Variants in SGMS1 observed in about 807,000 individuals in gnomAD.
SGMS1 encodes sphingomyelin synthase 1, also known as phosphatidylcholine:ceramide cholinephosphotransferase 1.
SGMS1 carries 13 observed loss-of-function variants against 46.2 expected under a neutral mutation model. The ratio of observed to expected loss-of-function variants is 0.28; its 90% CI spans 0.18 to 0.45. The LOEUF (loss-of-function observed/expected upper bound fraction) is 0.45, where lower values mean the gene tolerates loss of function less well. Ranked by LOEUF, SGMS1 falls within the 20% of genes least tolerant of loss-of-function variation. SGMS1 has a pLI of 1.00. For missense variants in SGMS1, 324 were observed against 519.9 expected (o/e 0.62, Z 3.66); for synonymous variants, 203 against 187.8 (o/e 1.08, Z -0.66).
rs990675826 is a variant in SGMS1 at position 50,530,914 on chromosome 10, T to C, written c.-588-10993A>G. Among the ~76,000 whole-genome samples, 10 of 152,196 alleles carry C rather than the reference T, an allele frequency of 6.6e-5. No homozygotes were observed. The South Asian group carries it at 8.3e-4, about 13-fold the overall frequency. On this transcript the variant is annotated intron_variant, in intron 2 of 10. Coordinates refer to ENST00000361781, the MANE Select transcript of SGMS1 (RefSeq NM_147156.4). The stretch of plus-strand genomic sequence containing the variant: ...ACCTGAAGGGGAGGCACTGAAAATG[T>C]AGAAATAAACACCTTTTTCTTATTT...
chr10:50,518,686 T>C (rs1405659494), intron 3 of SGMS1, among the ~76,000 whole-genome samples: 1 of 152,182 alleles, frequency 6.6e-6, no homozygotes, highest in Non-Finnish European at 1.5e-5. Context: ...CCCAAAGTTC[T>C]GGGATTACAG....
intron 6 of SGMS1, among the ~76,000 whole-genome samples, chr10:50,424,967 A>G (rs1849304332): frequency 6.6e-6 from 1 of 151,914 alleles, no homozygotes; most frequent in Non-Finnish European, 1.5e-5. Flanking sequence ...CATACATACA[A>G]AAAAAATGAT....
intron 3 of SGMS1, among the ~76,000 whole-genome samples, chr10:50,497,595 C>G (rs1056835326): frequency 6.6e-6 from 1 of 152,156 alleles, no homozygotes; most frequent in African/African-American, 2.4e-5. Context: ...GAGTTTAAGA[C>G]CAGCCTGGCC....
intron 3 of SGMS1, among the ~76,000 whole-genome samples, chr10:50,479,849 C>G (rs1019365078): frequency 2.0e-5 from 3 of 152,034 alleles, no homozygotes; most frequent in Admixed American, 1.3e-4. Flanking sequence ...GATAAAAGAG[C>G]AACACCACAA....
rs58641986 is a variant in SGMS1, at chr10:50,476,097, CAAAAAAAAAA to C, written c.-497-9175_-497-9166del. Among the ~76,000 whole-genome samples, 9 of 43,324 alleles carry C rather than the reference CAAAAAAAAAA, an allele frequency of 2.1e-4. No homozygotes were observed. The East Asian group carries it at 2.4e-3, about 11-fold the overall frequency. 28.4% of individuals were successfully genotyped at this position (43,324 alleles called of 152,430 possible). ...TAAAATCTTGTCTTTACTAAAAATA[CAAAAAAAAAA>C]AAAAAAAAAAAAAAAAATTAGCCAG... On this transcript the variant is annotated intron_variant, in intron 3 of 10. Coordinates refer to ENST00000361781, the MANE Select transcript of SGMS1 (RefSeq NM_147156.4).
At chr10:50,614,992 C>T (rs1164214885) in intron 1 of SGMS1, among the ~76,000 whole-genome samples, 1 of 152,236 alleles carries the variant, frequency 6.6e-6, no homozygotes, top group Non-Finnish European at 1.5e-5. Context: ...GTGATTCCGA[C>T]ATCTCTGCCA....
chr10:50,486,317 A>C (rs917663775), intron 3 of SGMS1, among the ~76,000 whole-genome samples: 6 of 152,252 alleles, frequency 3.9e-5, no homozygotes, highest in African/African-American at 1.4e-4. Flanking sequence ...GACTAATGGA[A>C]TCTAATTCAA....
intron 2 of SGMS1, among the ~76,000 whole-genome samples, chr10:50,524,629 T>G (rs1168406470): frequency 1.3e-5 from 2 of 152,190 alleles, no homozygotes; most frequent in Admixed American, 6.5e-5. Context: ...CTACTAAGTC[T>G]GTAAAGTAGG....
At chr10:50,587,373 G>A (rs1391512449) in intron 2 of SGMS1, among the ~76,000 whole-genome samples, 1 of 152,214 alleles carries the variant, frequency 6.6e-6, no homozygotes, top group South Asian at 2.1e-4. Context: ...GGCAGCTCAC[G>A]CCTATAATTC....
intron 2 of SGMS1, among the ~76,000 whole-genome samples, chr10:50,523,335 T>C (rs1837872580): frequency 6.6e-6 from 1 of 152,206 alleles, no homozygotes; most frequent in Non-Finnish European, 1.5e-5. Flanking sequence ...CTTAAAGATT[T>C]CAAAGAAACT....
chr10:50,358,484 G>C (rs1215966507), intron 6 of SGMS1, among the ~76,000 whole-genome samples: 1 of 152,162 alleles, frequency 6.6e-6, no homozygotes, highest in Non-Finnish European at 1.5e-5. Flanking sequence ...GATAACTTAA[G>C]GCCAGGAGTT....
intron 1 of SGMS1, among the ~76,000 whole-genome samples, chr10:50,597,645 G>T (rs1158566692): frequency 6.6e-6 from 1 of 152,194 alleles, no homozygotes; most frequent in Admixed American, 6.5e-5. Context: ...CAGCACCAGA[G>T]AATTTGAAGG....
chr10:50,370,448 A>C (rs2117961), intron 6 of SGMS1, among the ~76,000 whole-genome samples: 45,331 of 148,696 alleles, frequency 0.3, 7,573 homozygotes, highest in South Asian at 0.41. Context: ...TTTTTTTTTT[A>C]AACAAAGACA....
At chr10:50,458,273 T>A (rs1054136622) in intron 5 of SGMS1, among the ~76,000 whole-genome samples, 1 of 151,932 alleles carries the variant, frequency 6.6e-6, no homozygotes, top group Admixed American at 6.5e-5. Flanking sequence ...GCAATGTAAT[T>A]GTTAGAAACA....
intron 4 of SGMS1, among the ~76,000 whole-genome samples, chr10:50,462,662 A>C (rs1837278987): frequency 6.6e-6 from 1 of 152,228 alleles, no homozygotes; most frequent in Admixed American, 6.5e-5. Flanking sequence ...TTTGGGGGTT[A>C]TAGATGGCCA....
At chr10:50,320,576 A>G (rs990506067) in intron 8 of SGMS1, among the ~76,000 whole-genome samples, 1 of 152,196 alleles carries the variant, frequency 6.6e-6, no homozygotes, top group South Asian at 2.1e-4. Context: ...CCTATTGCCT[A>G]TAGATAGAAC....
rs1837123952 is a variant in SGMS1, at chr10:50,452,490, C to T, written c.-313+8183G>A. Among the ~76,000 whole-genome samples, 3 of 152,128 alleles carry T rather than the reference C, an allele frequency of 2.0e-5. No homozygotes were observed. In the South Asian group the frequency reaches 6.2e-4, roughly 32 times the overall value. On this transcript the variant is annotated intron_variant, in intron 5 of 10. Transcript: ENST00000361781. ...CACTAGATACCTTAAACTGGTCTCT[C>T]TTAATGAAAATAATTGAAGCATAAT...
chr10:50,475,073 A>G (rs1241500394), intron 3 of SGMS1, among the ~76,000 whole-genome samples: 1 of 152,188 alleles, frequency 6.6e-6, no homozygotes, highest in African/African-American at 2.4e-5. Flanking sequence ...ATTCCTGGGT[A>G]TGTTTCCAGA....
intron 7 of SGMS1, chr10:50,335,960 T>C (rs1847709166): frequency 6.6e-6 from 1 of 152,224 alleles, no homozygotes; most frequent in African/African-American, 2.4e-5. Flanking sequence ...ATAATTCCTA[T>C]GGCTCAGTCC....
Sources: allele counts gnomAD v4.1 joint callset (sites outside exome capture counted in the v4.1 genomes callset), GRCh38; gene constraint gnomAD v4.1.1; transcripts MANE v1.5; gene names NCBI Gene and HGNC (gene_info 2026-07-23, HGNC 2026-07-21).